PSPC1: variants seen among roughly 807,000 people sequenced by gnomAD.
PSPC1 encodes the protein paraspeckle protein 1.
In PSPC1, 14 loss-of-function variants were observed where a neutral mutation model predicts 51.6. The ratio of observed to expected loss-of-function variants is 0.27; its 90% CI spans 0.18 to 0.42. PSPC1 has a LOEUF of 0.42. Ranked by LOEUF, PSPC1 falls within the 10% of genes least tolerant of loss-of-function variation. The probability of loss-of-function intolerance (pLI) is 1.00; values close to 1 mark genes in which losing one functional copy is unlikely to be tolerated. For synonymous variants in PSPC1, 193 were observed against 231.9 expected (o/e 0.83, Z 1.53); for missense variants, 406 against 701.1 (o/e 0.58, Z 4.75).
At chr13:19,757,325 C>G (rs1036523820) in intron 3 of PSPC1, among the ~76,000 whole-genome samples, 2 of 152,074 alleles carry the variant, frequency 1.3e-5, no homozygotes, top group African/African-American at 4.8e-5. Context: ...CCAGCCAGTT[C>G]CAGGCAAAGA....
At chr13:19,743,340 CAT>C (rs750440377) in intron 4 of PSPC1, among the ~76,000 whole-genome samples, 2 of 152,168 alleles carry the variant, frequency 1.3e-5, no homozygotes, top group African/African-American at 2.4e-5. Flanking sequence ...AGAGTTGACT[CAT>C]ATAATACTAC....
intron 8 of PSPC1, among the ~76,000 whole-genome samples, chr13:19,705,420 A>C (rs1227284025): frequency 6.6e-6 from 1 of 151,500 alleles, no homozygotes; most frequent in African/African-American, 2.4e-5. Flanking sequence ...TTGAACCTAG[A>C]AGGTGGAGGT....
At chr13:19,744,564 T>TC (rs2082538215) in intron 4 of PSPC1, among the ~76,000 whole-genome samples, 2 of 151,634 alleles carry the variant, frequency 1.3e-5, no homozygotes, top group Admixed American at 6.6e-5. Context: ...TCTTTTTTTT[T>TC]CTTTTTTTTC....
intron 6 of PSPC1, among the ~76,000 whole-genome samples, chr13:19,696,732 A>G (rs1228358716): frequency 2.0e-5 from 3 of 152,224 alleles, no homozygotes; most frequent in African/African-American, 7.2e-5. Context: ...ACAGTTTTCT[A>G]GCACCTTCAT....
intron 5 of PSPC1, among the ~76,000 whole-genome samples, chr13:19,738,776 A>G (rs1337644478): frequency 3.3e-5 from 5 of 152,044 alleles, no homozygotes; most frequent in South Asian, 2.1e-4. Context: ...GCATGGTGGC[A>G]CGCGTCTATA....
At position 19,730,437 on chromosome 13, in the gene PSPC1, C is replaced by A. The variant is rs1270579579; in HGVS notation, c.1053-93G>T. On this transcript the variant is annotated intron_variant, in intron 5 of 8. Coordinates refer to ENST00000338910, the MANE Select transcript of PSPC1 (RefSeq NM_001354909.2). ...TGTAAAATGAAATCATTTATGCAAT[C>A]ATATTATGCCAAACCTGTAATCACG... 5.3e-6 allele frequency: 6 copies of A among 1,135,692 alleles called. No individual in the cohort carries two copies. In the East Asian group the frequency reaches 1.4e-4, roughly 27 times the overall value. The allele number at this position is 1,135,692 out of a possible 1,614,324, so 70.4% of individuals were successfully genotyped here. A position where few individuals can be genotyped will look rare whatever the true frequency, so the allele number is the denominator to read the frequency against.
chr13:19,710,954 C>A (rs1881325919), intron 6 of PSPC1, among the ~76,000 whole-genome samples: 1 of 152,006 alleles, frequency 6.6e-6, no homozygotes, highest in African/African-American at 2.4e-5. Context: ...CCTCCTGCCT[C>A]AGCTTCCCGA....
intron 6 of PSPC1, among the ~76,000 whole-genome samples, chr13:19,717,004 T>C (rs1050583058): frequency 2.2e-5 from 3 of 136,812 alleles, no homozygotes; most frequent in Non-Finnish European, 4.9e-5. Context: ...AGCCTGGCCA[T>C]GATGGTGAAA....
At chr13:19,741,905 G>T (rs73166993) in intron 4 of PSPC1, among the ~76,000 whole-genome samples, 4,843 of 152,282 alleles carry the variant, frequency 0.032, 89 homozygotes, top group Middle Eastern at 0.075. Context: ...GCCAAGGCAG[G>T]CGTATCACTC....
chr13:19,761,063 T>C (rs887255294), intron 2 of PSPC1, among the ~76,000 whole-genome samples: 5 of 151,940 alleles, frequency 3.3e-5, no homozygotes, highest in Non-Finnish European at 5.9e-5. Flanking sequence ...GAAGATCACT[T>C]GAGCCCAGGA....
At chr13:19,709,158 C>CAAAAAA (rs11446310) in intron 7 of PSPC1, among the ~76,000 whole-genome samples, 7 of 83,710 alleles carry the variant, frequency 8.4e-5, no homozygotes, top group African/African-American at 2.9e-4. Context: ...GGTCCTGCCT[C>CAAAAAA]AAAAAAAAAA....
chr13:19,680,167 A>G (rs892922790), intron 6 of PSPC1, among the ~76,000 whole-genome samples: 64 of 152,112 alleles, frequency 4.2e-4, no homozygotes, highest in Admixed American at 1.0e-3. Flanking sequence ...GGCGCACACT[A>G]CCGCGCCCAG....
At chr13:19,761,905 T>C (rs191788116) in intron 2 of PSPC1, among the ~76,000 whole-genome samples, 1 of 151,450 alleles carries the variant, frequency 6.6e-6, no homozygotes, top group East Asian at 1.9e-4. Context: ...CACAAGACCA[T>C]CCCCCTTCAG....
intron 6 of PSPC1, among the ~76,000 whole-genome samples, chr13:19,725,972 C>T (rs1883318637): frequency 6.6e-6 from 1 of 151,958 alleles, no homozygotes; most frequent in Non-Finnish European, 1.5e-5. Context: ...CTGGGTAACA[C>T]AGGGAGACCC....
At chr13:19,774,770 A>G (rs1269390747) in intron 1 of PSPC1, among the ~76,000 whole-genome samples, 1 of 149,536 alleles carries the variant, frequency 6.7e-6, no homozygotes, top group Non-Finnish European at 1.5e-5. Flanking sequence ...ACACCACTGC[A>G]CTCCAGCCTG....
intron 2 of PSPC1, among the ~76,000 whole-genome samples, chr13:19,765,657 T>C (rs1232169157): frequency 1.3e-5 from 2 of 151,738 alleles, no homozygotes; most frequent in Non-Finnish European, 2.9e-5. Flanking sequence ...TTCTTTTTGT[T>C]CTTTTGAAGA....
chr13:19,765,216 C>G (rs141224555), intron 2 of PSPC1, among the ~76,000 whole-genome samples: 1 of 151,416 alleles, frequency 6.6e-6, no homozygotes. Flanking sequence ...CACAGCTACT[C>G]AGGAGGTTGA....
chr13:19,673,185 T>C (rs150607048), downstream of PSPC1: 1 of 448,250 alleles, frequency 2.2e-6, no homozygotes, highest in Non-Finnish European at 4.4e-6. Context: ...CAAACCTGGC[T>C]GTCAGCTGTG....
At position 19,759,309 on chromosome 13, in the gene PSPC1, TA is replaced by T. The variant is rs1295206733; in HGVS notation, c.770+13del. The T allele has an allele frequency of 6.3e-7, 1 of 1,590,344 alleles. No individual in the cohort carries two copies. Among genetic ancestry groups the T allele is most frequent in the Non-Finnish European group, 8.6e-7 (1 of 1,158,456 alleles). On this transcript the variant is annotated intron_variant, in intron 3 of 8. Transcript: ENST00000338910. ...AATAGTACAGACACAAATTATCTAT[TA>T]ATAAAATCTTACTTATGATATTGTT... is the stretch of plus-strand genomic sequence containing the variant.
Sources: gnomAD v4.1 joint callset for allele counts (sites outside exome capture counted in the v4.1 genomes callset) on GRCh38, gnomAD v4.1.1 for gene constraint, MANE v1.5 for transcripts, NCBI Gene and HGNC (gene_info 2026-07-23, HGNC 2026-07-21) for gene names.